ANGPT1: variants seen among roughly 807,000 people sequenced by gnomAD.
ANGPT1 encodes angiopoietin 1, also known as angiopoietin-1.
A neutral mutation model predicts 62.2 loss-of-function variants in ANGPT1; 17 were observed. The observed-to-expected ratio is 0.27, with a 90% CI of 0.19 to 0.41. ANGPT1 has a LOEUF of 0.41. Ranked by LOEUF, ANGPT1 falls within the 10% of genes least tolerant of loss-of-function variation. The pLI is 1.00. For synonymous variants in ANGPT1, 199 were observed against 198.9 expected (o/e 1.00, Z 0.00); for missense variants, 478 against 594.9 (o/e 0.80, Z 2.04).
chr8:107,446,856 G>T (rs1811637210), intron 1 of ANGPT1, among the ~76,000 whole-genome samples: 1 of 152,130 alleles, frequency 6.6e-6, no homozygotes. Flanking sequence ...CTCAACAATT[G>T]TATACTTGAC....
intron 7 of ANGPT1, among the ~76,000 whole-genome samples, chr8:107,266,405 G>T (rs184873611): frequency 9.9e-5 from 15 of 152,270 alleles, no homozygotes; most frequent in Admixed American, 7.9e-4. Flanking sequence ...GAATATGGTG[G>T]GGACCCAGTC....
At chr8:107,358,740 T>C (rs1283699688) in intron 1 of ANGPT1, among the ~76,000 whole-genome samples, 2 of 152,238 alleles carry the variant, frequency 1.3e-5, no homozygotes, top group Non-Finnish European at 2.9e-5. Context: ...GGATACTTTA[T>C]ATATTCATTA....
Position 107,497,318 on chromosome 8 carries a change from G to T in ANGPT1, c.241C>A (p.Gln81Lys). 6.2e-7 allele frequency: 1 copy of T among 1,614,196 alleles called. No individual in the cohort carries two copies. Among genetic ancestry groups the T allele is most frequent in the Non-Finnish European group, 8.5e-7 (1 of 1,180,018 alleles). Residue 81 changes from glutamine to lysine, a missense_variant, in exon 1 of 9, where the codon CAG (glutamine) becomes AAG (lysine). By Grantham distance (53) the Gln-to-Lys change is moderately conservative. Coordinates refer to ENST00000517746, the MANE Select transcript of ANGPT1 (RefSeq NM_001146.5). The stretch of plus-strand genomic sequence containing the variant: ...ACATGTTCCAGATGTTGAAGTTTCT[G>T]GGAAGAGAAATCCGGTTCCACGTGT... ...APHVEPDFSSQKLQHLEHVME... is the reference protein window; with the variant it reads ...APHVEPDFSSKKLQHLEHVME...
intron 6 of ANGPT1, among the ~76,000 whole-genome samples, chr8:107,293,245 G>A (rs970177078): frequency 3.3e-5 from 5 of 151,632 alleles, no homozygotes; most frequent in African/African-American, 1.2e-4. Context: ...GATGCCTGCT[G>A]TTATTTTGCA....
intron 1 of ANGPT1, among the ~76,000 whole-genome samples, chr8:107,468,466 T>C (rs1252430928): frequency 6.6e-6 from 1 of 152,110 alleles, no homozygotes; most frequent in Non-Finnish European, 1.5e-5. Flanking sequence ...TCATATCCTT[T>C]AATCTACTTC....
intron 1 of ANGPT1, among the ~76,000 whole-genome samples, chr8:107,474,168 C>G (rs937184232): frequency 6.6e-6 from 1 of 151,664 alleles, no homozygotes; most frequent in African/African-American, 2.4e-5. Context: ...CCCTGAAGAA[C>G]ATTGATGCAA....
Position 107,375,251 on chromosome 8 carries a change from C to T in ANGPT1, c.298-28154G>A, listed in dbSNP as rs138646557. Among the ~76,000 whole-genome samples, 374 of 152,108 alleles carry T rather than the reference C, an allele frequency of 2.5e-3. 3 individuals carry two copies. Among genetic ancestry groups the T allele is most frequent in the Non-Finnish European group, 4.1e-3 (279 of 68,004 alleles). ...TAGCATAAATAAGAACAGAAATTGC[C>T]AGTTATAGAAATAAGGTTGTTGAAA... On this transcript the variant is annotated intron_variant, in intron 1 of 8. Transcript: ENST00000517746.
intron 1 of ANGPT1, among the ~76,000 whole-genome samples, chr8:107,406,893 A>AG (rs536229554): frequency 3.9e-4 from 58 of 150,280 alleles, no homozygotes; most frequent in African/African-American, 1.3e-3. Flanking sequence ...CTCAAAAAAA[A>AG]AAAAAAGCAA....
At chr8:107,315,014 A>G (rs987773104) in intron 4 of ANGPT1, among the ~76,000 whole-genome samples, 2 of 152,194 alleles carry the variant, frequency 1.3e-5, no homozygotes, top group South Asian at 2.1e-4. Flanking sequence ...TTCAGATGGT[A>G]GAATTATTCT....
intron 1 of ANGPT1, among the ~76,000 whole-genome samples, chr8:107,416,040 C>G (rs1398397587): frequency 3.3e-5 from 5 of 152,098 alleles, no homozygotes; most frequent in African/African-American, 1.2e-4. Flanking sequence ...TCTCTGCTGT[C>G]AAACTACAGC....
chr8:107,409,329 C>A (rs1196395161), intron 1 of ANGPT1, among the ~76,000 whole-genome samples: 1 of 152,144 alleles, frequency 6.6e-6, no homozygotes, highest in African/African-American at 2.4e-5. Context: ...GCATTTTTCA[C>A]AATCAGACTT....
intron 1 of ANGPT1, among the ~76,000 whole-genome samples, chr8:107,374,205 C>T (rs777663346): frequency 2.6e-5 from 4 of 151,934 alleles, no homozygotes; most frequent in Non-Finnish European, 4.4e-5. Flanking sequence ...AAAGTATGAT[C>T]AAATATAGCA....
chr8:107,447,762 T>C lies in ANGPT1; in HGVS notation c.297+49500A>G, dbSNP rs915656151. 2.0e-5 allele frequency among the ~76,000 whole-genome samples: 3 copies of C among 152,176 alleles called. No individual in the cohort carries two copies. The East Asian group carries it at 5.8e-4, about 29-fold the overall frequency. On this transcript the variant is annotated intron_variant, in intron 1 of 8. Transcript: ENST00000517746. ...AATGAAATATTCTGTAGGGTTTCTT[T>C]GTAGAGTAAGAGTGTGGAGTAATGC... is the stretch of plus-strand genomic sequence containing the variant.
At chr8:107,273,206 T>G (rs1216721597) in intron 7 of ANGPT1, among the ~76,000 whole-genome samples, 1 of 152,144 alleles carries the variant, frequency 6.6e-6, no homozygotes, top group Non-Finnish European at 1.5e-5. Flanking sequence ...CATTTTTTAT[T>G]TGTGTTTAAA....
intron 1 of ANGPT1, among the ~76,000 whole-genome samples, chr8:107,386,081 C>T (rs2514867): frequency 0.31 from 46,503 of 151,816 alleles, 8,268 homozygotes; most frequent in East Asian, 0.58. Flanking sequence ...AAATCAGATC[C>T]TGGCCTCTGC....
At chr8:107,405,998 C>T (rs1423069971) in intron 1 of ANGPT1, among the ~76,000 whole-genome samples, 3 of 151,900 alleles carry the variant, frequency 2.0e-5, no homozygotes, top group Middle Eastern at 3.2e-3. Flanking sequence ...TAAATAATTT[C>T]TACTCTCACC....
intron 5 of ANGPT1, 106 bp downstream of exon 5, chr8:107,303,134 T>G: frequency 7.5e-7 from 1 of 1,341,140 alleles, no homozygotes; most frequent in Non-Finnish European, 1.0e-6. Context: ...AGTTCAGGCA[T>G]CTCTATATAT....
At chr8:107,309,537 A>G (rs968809895) in intron 4 of ANGPT1, among the ~76,000 whole-genome samples, 11 of 152,294 alleles carry the variant, frequency 7.2e-5, no homozygotes, top group African/African-American at 2.2e-4. Context: ...GAAGAAGGTA[A>G]TGTCTTGCAT....
At chr8:107,290,233 C>G (rs150141525) in intron 6 of ANGPT1, among the ~76,000 whole-genome samples, 1 of 151,996 alleles carries the variant, frequency 6.6e-6, no homozygotes, top group Non-Finnish European at 1.5e-5. Flanking sequence ...AGAGGCAGCC[C>G]ATAGATATCA....
Sources: gnomAD v4.1 joint callset for allele counts (sites outside exome capture counted in the v4.1 genomes callset) on GRCh38, gnomAD v4.1.1 for gene constraint, MANE v1.5 for transcripts, NCBI Gene and HGNC (gene_info 2026-07-23, HGNC 2026-07-21) for gene names.